The following STYK1 variants were observed in gnomAD, a reference collection of about 807,000 sequenced individuals.
STYK1 encodes the protein STY kinase 1.
A neutral mutation model predicts 48.1 loss-of-function variants in STYK1; 46 were observed. The observed-to-expected ratio is 0.96, with a 90% CI of 0.75 to 1.22. The LOEUF (loss-of-function observed/expected upper bound fraction) is 1.22, where lower values mean the gene tolerates loss of function less well. Ranked by LOEUF, STYK1 falls within the 50% of genes most tolerant of loss-of-function variation. The pLI, the probability that STYK1 is intolerant of heterozygous loss-of-function variation, is 0.00. For missense variants in STYK1, 527 were observed against 521.1 expected (o/e 1.01, Z -0.11); for synonymous variants, 188 against 189.0 (o/e 0.99, Z 0.04).
Position 10,666,606 on chromosome 12 carries a change from A to G in STYK1, c.-195+7360T>C, listed in dbSNP as rs146724145. On this transcript the variant is annotated intron_variant, in intron 1 of 10. Transcript: ENST00000075503. ...CACCCAGATCTCATCTCAAATTGTA[A>G]TCCCCGTAATCCCCCCATGTCGAGG... 1.1e-4 allele frequency among the ~76,000 whole-genome samples: 16 copies of G among 152,216 alleles called. No homozygotes were observed. The East Asian group carries it at 2.9e-3, about 28-fold the overall frequency.
At chr12:10,624,087 CTT>C (rs112853318) in intron 8 of STYK1, among the ~76,000 whole-genome samples, 1 of 147,154 alleles carries the variant, frequency 6.8e-6, no homozygotes, top group Non-Finnish European at 1.5e-5. Flanking sequence ...AATCTTTTCA[CTT>C]TTTTTTTTTC....
chr12:10,620,121 G>A lies in STYK1; in HGVS notation c.*23C>T, dbSNP rs867406334. On this transcript the variant is annotated 3_prime_UTR_variant, in exon 11 of 11. Coordinates refer to ENST00000075503, the MANE Select transcript of STYK1 (RefSeq NM_018423.3). ...ATTCCAAGAACATATACTCATGCATGAATGTTTCTTGCCCGAGACTCTTCA... is the reference window on the plus strand; with the variant it reads ...ATTCCAAGAACATATACTCATGCATAAATGTTTCTTGCCCGAGACTCTTCA... 7 of 1,613,104 alleles carry A rather than the reference G, an allele frequency of 4.3e-6. No individual in the cohort carries two copies. Among genetic ancestry groups the A allele is most frequent in the Non-Finnish European group, 5.9e-6 (7 of 1,179,190 alleles).
intron 1 of STYK1, among the ~76,000 whole-genome samples, chr12:10,643,376 C>T (rs1947565511): frequency 6.6e-6 from 1 of 152,140 alleles, no homozygotes; most frequent in Admixed American, 6.5e-5. Context: ...ACCCCTGAAC[C>T]CATTACCTTT....
chr12:10,670,995 A>ATTTTTT (rs763044772), intron 1 of STYK1, among the ~76,000 whole-genome samples: 19 of 110,460 alleles, frequency 1.7e-4, no homozygotes, highest in Non-Finnish European at 2.4e-4. Flanking sequence ...GAATATATTG[A>ATTTTTT]TTTTTTTTTT....
At position 10,629,785 on chromosome 12, in the gene STYK1, G is replaced by C. The variant is rs910522123; in HGVS notation, c.452-111C>G. On this transcript the variant is annotated intron_variant, in intron 5 of 10. Coordinates refer to ENST00000075503, the MANE Select transcript of STYK1 (RefSeq NM_018423.3). ...TTAATTCTCAAGGCCCCACATGGGA[G>C]TGAATGAAGGCAAAAATAAACACAA... 4 of 1,150,568 alleles carry C rather than the reference G, an allele frequency of 3.5e-6. No homozygotes were observed. In the African/African-American group the frequency reaches 6.1e-5, roughly 18 times the overall value. 71.3% of individuals were successfully genotyped at this position (1,150,568 alleles called of 1,614,324 possible). A position where few individuals can be genotyped will look rare whatever the true frequency, so the allele number is the denominator to read the frequency against.
At chr12:10,645,906 GT>G (rs1947593512) in intron 1 of STYK1, among the ~76,000 whole-genome samples, 1 of 152,198 alleles carries the variant, frequency 6.6e-6, no homozygotes, top group South Asian at 2.1e-4. Context: ...ATAAGGGGGA[GT>G]TTCCTTGCAC....
chr12:10,644,597 A>G (rs1947579799), intron 1 of STYK1, among the ~76,000 whole-genome samples: 2 of 152,252 alleles, frequency 1.3e-5, no homozygotes, highest in African/African-American at 4.8e-5. Flanking sequence ...GAGAATATCA[A>G]TTGTGAAACT....
At chr12:10,645,319 A>G (rs1249945383) in intron 1 of STYK1, among the ~76,000 whole-genome samples, 1 of 152,176 alleles carries the variant, frequency 6.6e-6, no homozygotes, top group African/African-American at 2.4e-5. Context: ...GGGCTCTTCT[A>G]TGATCTTTGC....
intron 1 of STYK1, among the ~76,000 whole-genome samples, chr12:10,663,367 C>T (rs1947797665): frequency 2.6e-5 from 4 of 151,924 alleles, no homozygotes; most frequent in African/African-American, 7.3e-5. Context: ...TATCCCAGCA[C>T]TTTGGGAGGC....
chr12:10,640,448 G>A (rs541085179), intron 1 of STYK1, among the ~76,000 whole-genome samples: 8 of 152,118 alleles, frequency 5.3e-5, no homozygotes, highest in Non-Finnish European at 1.2e-4. Context: ...CAGGGAGGAG[G>A]TTATCTAAGA....
At chr12:10,646,929 C>T (rs925312099) in intron 1 of STYK1, among the ~76,000 whole-genome samples, 1 of 152,228 alleles carries the variant, frequency 6.6e-6, no homozygotes, top group Admixed American at 6.5e-5. Flanking sequence ...CCTGTGGGTA[C>T]ACAGAAGTCA....
intron 10 of STYK1, among the ~76,000 whole-genome samples, chr12:10,621,280 G>C (rs1186159094): frequency 6.6e-6 from 1 of 151,994 alleles, no homozygotes; most frequent in African/African-American, 2.4e-5. Flanking sequence ...CTCTAGGTTG[G>C]TTCACTAACT....
chr12:10,653,567 C>A (rs554794948), intron 1 of STYK1, among the ~76,000 whole-genome samples: 2 of 152,118 alleles, frequency 1.3e-5, no homozygotes. Context: ...TTTTCTCTAT[C>A]ATTTTAAGCA....
intron 1 of STYK1, among the ~76,000 whole-genome samples, chr12:10,637,456 G>A (rs1333942260): frequency 1.3e-5 from 2 of 151,090 alleles, no homozygotes; most frequent in African/African-American, 4.9e-5. Flanking sequence ...TCCTGCCTCA[G>A]CCTCCCAAGT....
intron 1 of STYK1, among the ~76,000 whole-genome samples, chr12:10,647,539 C>T (rs1488364912): frequency 6.6e-6 from 1 of 152,158 alleles, no homozygotes; most frequent in Non-Finnish European, 1.5e-5. Flanking sequence ...TGCTTTGTCT[C>T]AGATGAGATG....
chr12:10,620,329 A>G lies in STYK1; in HGVS notation c.1084T>C (p.Cys362Arg). The change falls in exon 11 of 11, where the codon TGC becomes CGC. Residue 362 changes from cysteine (C) to arginine (R), a missense_variant. Coordinates refer to ENST00000075503, the MANE Select transcript of STYK1 (RefSeq NM_018423.3). ...THTMYSIMKS[C>R]WRWREADRPS... ...CGGTCAGCCTCACGCCAGCGCCAGC[A>G]GGACTTCATGATACTGTACCTGAGA... 6.2e-7 allele frequency: 1 copy of G among 1,613,278 alleles called. No individual in the cohort carries two copies.
chr12:10,626,503 A>G (rs1947360520), intron 7 of STYK1, among the ~76,000 whole-genome samples: 1 of 152,134 alleles, frequency 6.6e-6, no homozygotes. Context: ...TTCCACTTAC[A>G]TCCCTATATT....
chr12:10,633,144 A>C (rs1289486465), intron 4 of STYK1, among the ~76,000 whole-genome samples: 1 of 152,236 alleles, frequency 6.6e-6, no homozygotes, highest in Non-Finnish European at 1.5e-5. Flanking sequence ...GAGAAAGTTT[A>C]AAATTGTTTC....
chr12:10,673,951 T>C lies in STYK1; in HGVS notation c.-195+15A>G, dbSNP rs886355664. The C allele has an allele frequency of 2.1e-5, 3 of 146,278 alleles. No individual in the cohort carries two copies. Among genetic ancestry groups the C allele is most frequent in the African/African-American group, 7.4e-5 (3 of 40,324 alleles). The allele number at this position is 146,278 out of a possible 1,614,324, so 9.1% of individuals were successfully genotyped here. ...CCCTCCCCGCCGCGCCCGCCCCCCATACCCCGTTCACTACCGTGTCCCTCC... is the reference window on the plus strand; with the variant it reads ...CCCTCCCCGCCGCGCCCGCCCCCCACACCCCGTTCACTACCGTGTCCCTCC... On this transcript the variant is annotated intron_variant, in intron 1 of 10. Coordinates refer to ENST00000075503, the MANE Select transcript of STYK1 (RefSeq NM_018423.3).
Sources: gnomAD v4.1 joint callset for allele counts (sites outside exome capture counted in the v4.1 genomes callset) on GRCh38, gnomAD v4.1.1 for gene constraint, MANE v1.5 for transcripts, NCBI Gene and HGNC (gene_info 2026-07-23, HGNC 2026-07-21) for gene names.